NASP: variants seen among roughly 807,000 people sequenced by gnomAD.
NASP encodes NASP histone chaperone.
NASP carries 24 observed loss-of-function variants against 89.5 expected under a neutral mutation model. The observed-to-expected ratio is 0.27, with a 90% confidence interval of 0.19 to 0.38. NASP has a LOEUF of 0.38. NASP is among the 10% of genes least tolerant of loss of function. The probability of loss-of-function intolerance (pLI) is 1.00; values close to 1 mark genes in which losing one functional copy is unlikely to be tolerated. For missense variants in NASP, 848 were observed against 921.4 expected, an observed-to-expected ratio of 0.92 and a Z score of 1.03; for synonymous variants, 306 against 324.7, an observed-to-expected ratio of 0.94 and a Z score of 0.62.
chr1:45,605,155 G>A, intron 4 of NASP, 139 bp downstream of exon 4: 1 of 683,126 alleles, frequency 1.5e-6, no homozygotes, highest in Non-Finnish European at 2.6e-6. Context: ...AGTTGTGAAT[G>A]GCACTTGATA....
intron 2 of NASP, among the ~76,000 whole-genome samples, chr1:45,596,646 TGAG>T (rs1643703501): frequency 6.6e-6 from 1 of 152,232 alleles, no homozygotes; most frequent in Non-Finnish European, 1.5e-5. Context: ...TGTACCAGTA[TGAG>T]AAGTTCATCA....
At chr1:45,594,267 T>G (rs1258021013) in intron 2 of NASP, among the ~76,000 whole-genome samples, 1 of 151,470 alleles carries the variant, frequency 6.6e-6, no homozygotes, top group East Asian at 1.9e-4. Flanking sequence ...AGGTGGAAGT[T>G]GCAGTCAGCC....
chr1:45,605,802 G>A (rs1256714637), intron 4 of NASP: 1 of 139,270 alleles, frequency 7.2e-6, no homozygotes, highest in South Asian at 2.3e-4. Context: ...TTAAGACGGA[G>A]TTTCACTCCT....
At chr1:45,595,712 G>C (rs1643679562) in intron 2 of NASP, among the ~76,000 whole-genome samples, 1 of 152,204 alleles carries the variant, frequency 6.6e-6, no homozygotes, top group Non-Finnish European at 1.5e-5. Context: ...AATAGTACTA[G>C]CAATTCTTGT....
chr1:45,600,703 A>G (rs1055104922), intron 2 of NASP, among the ~76,000 whole-genome samples: 1 of 152,210 alleles, frequency 6.6e-6, no homozygotes, highest in African/African-American at 2.4e-5. Flanking sequence ...GTTCACACCT[A>G]GGAGTAGAAT....
rs142910043 is a variant in NASP, at chr1:45,616,389, C to T, written c.2075C>T (p.Ser692Phe). The change falls in exon 12 of 15, where the codon TCC (serine) becomes TTC (phenylalanine). Residue 692 changes from serine (S) to phenylalanine (F), a missense_variant. Ser to Phe is a radical substitution (Grantham distance 155). This residue lies in a region of NASP where 218 missense variants were observed against 219.6 expected (regional missense o/e 0.99). Coordinates refer to ENST00000350030, the MANE Select transcript of NASP (RefSeq NM_002482.4). ...CCTGGTGGAGGAGGCTCTTCAGTCTCCATGGTGCGTATTCAGGTGGTTTTT... is the reference window on the plus strand; with the variant it reads ...CCTGGTGGAGGAGGCTCTTCAGTCTTCATGGTGCGTATTCAGGTGGTTTTT... ...FTPGGGGSSV[S>F]MIASRKPTDG... 1 of 1,614,068 alleles carries T rather than the reference C, an allele frequency of 6.2e-7. No individual in the cohort carries two copies. The highest frequency in any genetic ancestry group is 2.2e-5 in the East Asian group (1 of 44,886).
At chr1:45,590,089 G>C (rs1030637916) in intron 1 of NASP, among the ~76,000 whole-genome samples, 4 of 152,050 alleles carry the variant, frequency 2.6e-5, no homozygotes, top group Admixed American at 2.6e-4. Context: ...GAAACTGTAG[G>C]GGGTGGAGCT....
In NASP at chr1:45,584,111, C is replaced by G. The variant is rs1644489777; in HGVS notation, c.-36C>G. The G allele has an allele frequency of 6.4e-7, 1 of 1,560,792 alleles. No individual in the cohort carries two copies. The highest frequency in any genetic ancestry group is 1.2e-5 in the South Asian group (1 of 85,112). On this transcript the variant is annotated 5_prime_UTR_variant, in exon 1 of 15. Coordinates refer to ENST00000350030, the MANE Select transcript of NASP (RefSeq NM_002482.4). The stretch of plus-strand genomic sequence containing the variant: ...AAATTGCCTGTTTTTCTCGCAGGCT[C>G]TATTCCGTTCGCTGGTTCGCCACCT...
chr1:45,616,878 TC>T lies in NASP; in HGVS notation c.2157+176del, dbSNP rs1423611570. 7.2e-5 allele frequency among the ~76,000 whole-genome samples: 11 copies of T among 152,184 alleles called. 1 individual carries two copies. Among genetic ancestry groups the T allele is most frequent in the Admixed American group, 3.9e-4 (6 of 15,274 alleles). On this transcript the variant is annotated intron_variant, in intron 13 of 14. Coordinates refer to ENST00000350030, the MANE Select transcript of NASP (RefSeq NM_002482.4). ...GTTTTGTTTTGAGACGGAGTCTTGC[TC>T]TGTCACCCAGGCTGGAGTGCAGTGG...
chr1:45,592,353 T>TC (rs999639519), intron 2 of NASP, among the ~76,000 whole-genome samples: 2 of 152,138 alleles, frequency 1.3e-5, no homozygotes, highest in African/African-American at 4.8e-5. Flanking sequence ...GCTCAAGCAA[T>TC]CCCCCTGCCT....
intron 2 of NASP, among the ~76,000 whole-genome samples, chr1:45,599,332 C>G (rs1643777763): frequency 6.6e-6 from 1 of 152,158 alleles, no homozygotes; most frequent in South Asian, 2.1e-4. Flanking sequence ...GTCTCTAACT[C>G]CTGGGCTCAA....
intron 13 of NASP, chr1:45,617,175 C>G: frequency 8.6e-6 from 3 of 348,984 alleles, no homozygotes; most frequent in South Asian, 3.1e-5. Context: ...TGTTTCCTGA[C>G]TCAAACACAG....
At chr1:45,591,108 T>C in intron 1 of NASP, 115 bp from the exon 2 acceptor site, 1 of 591,800 alleles carries the variant, frequency 1.7e-6, no homozygotes, top group Non-Finnish European at 2.9e-6. Flanking sequence ...AATACTTGAG[T>C]ATTTAATAAA....
intron 1 of NASP, among the ~76,000 whole-genome samples, chr1:45,586,294 T>TGTG (rs1644546546): frequency 1.0e-5 from 1 of 95,584 alleles, no homozygotes; most frequent in Non-Finnish European, 2.1e-5. Context: ...GGTGTGTGTG[T>TGTG]GTGTGTGTGT....
intron 8 of NASP, 29 bp from the exon 9 acceptor site, chr1:45,614,264 A>C (rs1283973752): frequency 6.2e-7 from 1 of 1,607,120 alleles, no homozygotes; most frequent in Non-Finnish European, 8.5e-7. Flanking sequence ...GGTACTGTTA[A>C]GGTTTTTGAT....
chr1:45,584,235 C>T (rs1286627323), intron 1 of NASP, 30 bp downstream of exon 1: 1 of 1,556,366 alleles, frequency 6.4e-7, no homozygotes, highest in South Asian at 1.2e-5. Context: ...GCTTAAGGCA[C>T]TGGCCAGTCC....
intron 6 of NASP, chr1:45,609,847 C>T (rs1643973072): frequency 6.6e-6 from 1 of 152,096 alleles, no homozygotes; most frequent in African/African-American, 2.4e-5. Context: ...ATTATTCTTC[C>T]CAAGTTACCA....
chr1:45,605,920 G>A (rs978740061), intron 4 of NASP, among the ~76,000 whole-genome samples: 2 of 151,780 alleles, frequency 1.3e-5, no homozygotes, highest in African/African-American at 4.8e-5. Flanking sequence ...GGGATTACAA[G>A]TATGCGCCAC....
At position 45,608,051 on chromosome 1, in the gene NASP, C is replaced by T; in HGVS notation, c.1140C>T (p.Val380=). The T allele has an allele frequency of 6.2e-7, 1 of 1,613,954 alleles. No individual in the cohort carries two copies. The highest frequency in any genetic ancestry group is 1.1e-5 in the South Asian group (1 of 91,068). The change falls in exon 6 of 15, where the codon GTC becomes GTT. Residue 380 remains valine (V), a synonymous_variant. Coordinates refer to ENST00000350030, the MANE Select transcript of NASP (RefSeq NM_002482.4). ...CAGTTCTCCCTAAGGATGGTGCAGTCAATGGACCGTCAGTTGTAGGAGATC... is the reference window on the plus strand; with the variant it reads ...CAGTTCTCCCTAAGGATGGTGCAGTTAATGGACCGTCAGTTGTAGGAGATC... ...EAPVLPKDGA[V]NGPSVVGDQT...
Sources: allele counts gnomAD v4.1 joint callset (sites outside exome capture counted in the v4.1 genomes callset), GRCh38; gene constraint gnomAD v4.1.1; regional missense constraint gnomAD v4.1.1; transcripts MANE v1.5; gene names NCBI Gene and HGNC (gene_info 2026-07-23, HGNC 2026-07-21).